Variants in SULT6B1 observed in about 807,000 individuals in gnomAD.
SULT6B1 encodes sulfotransferase 6B1.
In SULT6B1, 44 loss-of-function variants were observed where a neutral mutation model predicts 37.2. That is an observed-to-expected ratio of 1.18 (90% CI 0.93 to 1.52). SULT6B1 has a LOEUF of 1.52. Among genes scored for constraint, SULT6B1 ranks in the 40% most tolerant of loss-of-function variants. SULT6B1 has a pLI of 0.00. For synonymous variants in SULT6B1, 140 were observed against 126.0 expected (o/e 1.11, Z -0.74); for missense variants, 450 against 361.0 (o/e 1.25, Z -2.00).
rs114837139 is a variant in SULT6B1, at chr2:37,180,406, G to C, written c.403-822C>G. On this transcript the variant is annotated intron_variant, in intron 3 of 6. Coordinates refer to ENST00000535679, the MANE Select transcript of SULT6B1 (RefSeq NM_001367551.1). The stretch of plus-strand genomic sequence containing the variant: ...GAAGTCTAGAATTGACTAAAAACAA[G>C]ATTTGGGGCCACATAAAAGAGGAAA... Among the ~76,000 whole-genome samples, 507 of 152,320 alleles carry C rather than the reference G, an allele frequency of 3.3e-3. 3 individuals carry two copies. Among genetic ancestry groups the C allele is most frequent in the African/African-American group, 0.012 (483 of 41,580 alleles).
chr2:37,192,365 C>A (rs987946305), upstream of SULT6B1, among the ~76,000 whole-genome samples: 5 of 152,134 alleles, frequency 3.3e-5, no homozygotes, highest in African/African-American at 7.2e-5. Flanking sequence ...GGGGAAAGAA[C>A]TGACCAGAGA....
intron 1 of SULT6B1, among the ~76,000 whole-genome samples, chr2:37,193,786 G>A (rs952336143): frequency 8.5e-5 from 13 of 152,198 alleles, no homozygotes; most frequent in African/African-American, 3.1e-4. Context: ...CACTACAGAA[G>A]ACTGGGATTT....
chr2:37,168,084 A>C lies in SULT6B1; in HGVS notation c.782-19T>G, dbSNP rs752327794. 1 of 1,562,858 alleles carries C rather than the reference A, an allele frequency of 6.4e-7. No homozygotes were observed. The highest frequency in any genetic ancestry group is 8.6e-7 in the Non-Finnish European group (1 of 1,162,730). On this transcript the variant is annotated intron_variant, in intron 6 of 6. Coordinates refer to ENST00000535679, the MANE Select transcript of SULT6B1 (RefSeq NM_001367551.1). ...ACTTCACCTACAACACACAAAAAAC[A>C]GTAGACCCAGATATCTGTTAGAATA...
At chr2:37,182,773 T>C (rs948335780) in intron 3 of SULT6B1, among the ~76,000 whole-genome samples, 1 of 152,144 alleles carries the variant, frequency 6.6e-6, no homozygotes, top group Non-Finnish European at 1.5e-5. Flanking sequence ...TTACAAGAAA[T>C]ATATCAATAC....
At position 37,187,407 on chromosome 2, in the gene SULT6B1, T is replaced by A. The variant is rs1437054719; in HGVS notation, c.260A>T (p.Tyr87Phe). Residue 87 changes from tyrosine to phenylalanine, a missense_variant, in exon 2 of 7, where the codon TAT (tyrosine) becomes TTT (phenylalanine). Physicochemically the swap from Tyr to Phe is conservative, Grantham distance 22. Coordinates refer to ENST00000535679, the MANE Select transcript of SULT6B1 (RefSeq NM_001367551.1). ...ELIYAVSKKK[Y>F]KYPEFPVLEC... The stretch of plus-strand genomic sequence containing the variant: ...AAGAACTGGGAATTCTGGATATTTA[T>A]ACTTTTTTTTAGAAACAGCATATAT... 1.2e-6 allele frequency: 2 copies of A among 1,609,208 alleles called. No individual in the cohort carries two copies. The highest frequency in any genetic ancestry group is 3.3e-5 in the Admixed American group (2 of 59,926).
chr2:37,177,523 G>A (rs755414902), intron 4 of SULT6B1, among the ~76,000 whole-genome samples: 1 of 152,086 alleles, frequency 6.6e-6, no homozygotes, highest in Non-Finnish European at 1.5e-5. Flanking sequence ...AGAGTAGGAT[G>A]GTGGTTACAG....
Position 37,180,593 on chromosome 2 carries a change from C to G in SULT6B1, c.403-1009G>C, listed in dbSNP as rs374210955. Among the ~76,000 whole-genome samples the G allele has an allele frequency of 5.1e-4, 78 of 152,228 alleles. 2 individuals carry two copies. In the South Asian group the frequency reaches 0.016, roughly 31 times the overall value. On this transcript the variant is annotated intron_variant, in intron 3 of 6. Transcript: ENST00000535679. ...ATCAGGAGCAGTTAGGCATATGAAA[C>G]TGACTGGGGGCTGGGCATGGTGGCT...
At position 37,167,832 on chromosome 2, in the gene SULT6B1, ATT is replaced by A; in HGVS notation, c.*101_*102del. Reference sequence around the variant, plus strand: ...TGTATTGTATTATTTAGATTTCAATATTGTTTAATTATTATTTGATTATTTGA... The same window carrying A: ...TGTATTGTATTATTTAGATTTCAATAGTTTAATTATTATTTGATTATTTGA... On this transcript the variant is annotated 3_prime_UTR_variant, in exon 7 of 7. Transcript: ENST00000535679. 3.0e-6 allele frequency: 3 copies of A among 1,010,070 alleles called. No individual in the cohort carries two copies. The East Asian group carries it at 1.0e-4, about 35-fold the overall frequency. The allele number at this position is 1,010,070 out of a possible 1,614,324, so 62.6% of individuals were successfully genotyped here. A position where few individuals can be genotyped will look rare whatever the true frequency, so the allele number is the denominator to read the frequency against.
intron 5 of SULT6B1, among the ~76,000 whole-genome samples, chr2:37,174,622 A>T (rs999261767): frequency 2.6e-5 from 4 of 152,090 alleles, no homozygotes; most frequent in Non-Finnish European, 1.5e-5. Context: ...CATTTTAAAA[A>T]TTATTGTGTT....
At chr2:37,186,906 C>T (rs1352629991) in intron 2 of SULT6B1, among the ~76,000 whole-genome samples, 1 of 152,102 alleles carries the variant, frequency 6.6e-6, no homozygotes, top group Non-Finnish European at 1.5e-5. Context: ...AAATAGAAAT[C>T]ATGGTTTACT....
chr2:37,179,394 T>C, intron 4 of SULT6B1, 64 bp downstream of exon 4: 1 of 1,593,584 alleles, frequency 6.3e-7, no homozygotes, highest in Non-Finnish European at 8.5e-7. Context: ...AAAACACATT[T>C]GGGTTTTCAC....
chr2:37,190,201 C>T (rs756423176), upstream of SULT6B1, among the ~76,000 whole-genome samples: 4 of 152,232 alleles, frequency 2.6e-5, no homozygotes, highest in Non-Finnish European at 5.9e-5. Context: ...TCTTTGGCCT[C>T]TTGATAAGTC....
intron 3 of SULT6B1, among the ~76,000 whole-genome samples, chr2:37,182,283 TCG>T (rs1676570442): frequency 6.7e-6 from 1 of 149,292 alleles, no homozygotes; most frequent in Non-Finnish European, 1.5e-5. Flanking sequence ...AGACAAGGTC[TCG>T]CTCTGCCGCC....
intron 5 of SULT6B1, among the ~76,000 whole-genome samples, chr2:37,172,823 CTTGTTTGT>C (rs138341858): frequency 6.7e-6 from 1 of 149,210 alleles, no homozygotes; most frequent in Non-Finnish European, 1.5e-5. Flanking sequence ...CATACATTTG[CTTGTTTGT>C]TTGTTTGTTT....
At chr2:37,169,173 A>G (rs11674468) in intron 6 of SULT6B1, among the ~76,000 whole-genome samples, 34,104 of 152,212 alleles carry the variant, frequency 0.22, 3,958 homozygotes, top group South Asian at 0.34. Context: ...ATTCTAAATA[A>G]CACTTAATTA....
intron 3 of SULT6B1, among the ~76,000 whole-genome samples, chr2:37,180,817 G>C (rs1395325021): frequency 1.3e-5 from 2 of 152,228 alleles, no homozygotes; most frequent in South Asian, 4.2e-4. Flanking sequence ...CTAGGAGACG[G>C]AGGTTGTCAT....
chr2:37,185,437 C>A (rs1007755135), intron 2 of SULT6B1, among the ~76,000 whole-genome samples: 1 of 152,060 alleles, frequency 6.6e-6, no homozygotes, highest in African/African-American at 2.4e-5. Context: ...GGCATATTGG[C>A]CAGGCGTGGT....
At chr2:37,194,592 CG>C in intron 1 of SULT6B1, 1 of 369,740 alleles carries the variant, frequency 2.7e-6, no homozygotes, top group South Asian at 2.2e-5. Flanking sequence ...GCAAAATTTC[CG>C]GATCTCTTTG....
At chr2:37,168,637 C>T (rs190198031) in intron 6 of SULT6B1, among the ~76,000 whole-genome samples, 2 of 152,298 alleles carry the variant, frequency 1.3e-5, no homozygotes, top group Admixed American at 6.5e-5. Context: ...TAAAATTCCA[C>T]TTTTTGAGAA....
Sources: gnomAD v4.1 joint callset for allele counts (sites outside exome capture counted in the v4.1 genomes callset) on GRCh38, gnomAD v4.1.1 for gene constraint, MANE v1.5 for transcripts, NCBI Gene and HGNC (gene_info 2026-07-23, HGNC 2026-07-21) for gene names.